The following BRINP3 variants were observed in gnomAD, a reference collection of about 807,000 sequenced individuals.
The protein encoded by BRINP3 is BMP/retinoic acid-inducible neural-specific protein 3.
In BRINP3, 19 loss-of-function variants were observed where a neutral mutation model predicts 71.0. That is an observed-to-expected ratio of 0.27 (90% CI 0.19 to 0.39). BRINP3 has a LOEUF of 0.39. Ranked by LOEUF, BRINP3 falls within the 10% of genes least tolerant of loss-of-function variation. BRINP3 has a pLI of 1.00. For synonymous variants in BRINP3, 380 were observed against 337.7 expected (o/e 1.13, Z -1.37); for missense variants, 959 against 940.8 (o/e 1.02, Z -0.25).
intron 6 of BRINP3, among the ~76,000 whole-genome samples, chr1:190,188,136 TA>T (rs1164910335): frequency 1.3e-5 from 2 of 152,140 alleles, no homozygotes; most frequent in African/African-American, 4.8e-5. Flanking sequence ...GTACCTATTG[TA>T]AATGTGATTT....
intron 2 of BRINP3, among the ~76,000 whole-genome samples, chr1:190,375,608 T>C (rs1381912822): frequency 2.6e-5 from 4 of 151,936 alleles, no homozygotes; most frequent in East Asian, 3.9e-4. Context: ...AGGCAACACA[T>C]ATGAACAGGC....
At chr1:190,304,697 T>C (rs1017522050) in intron 2 of BRINP3, among the ~76,000 whole-genome samples, 1 of 151,876 alleles carries the variant, frequency 6.6e-6, no homozygotes, top group Admixed American at 6.6e-5. Flanking sequence ...ATGTTACTGG[T>C]CTAGGTTAGG....
chr1:190,158,356 G>C (rs189521725), intron 7 of BRINP3, among the ~76,000 whole-genome samples: 134 of 152,098 alleles, frequency 8.8e-4, no homozygotes, highest in African/African-American at 3.2e-3. Context: ...TTTCTTCCCA[G>C]TCTCAAATAT....
intron 2 of BRINP3, among the ~76,000 whole-genome samples, chr1:190,410,951 C>T (rs1672623526): frequency 6.6e-6 from 1 of 151,898 alleles, no homozygotes; most frequent in African/African-American, 2.4e-5. Context: ...TTAAAAGAAA[C>T]TTGAAAGCTC....
intron 2 of BRINP3, among the ~76,000 whole-genome samples, chr1:190,316,742 A>G (rs1665907479): frequency 6.6e-6 from 1 of 152,136 alleles, no homozygotes; most frequent in South Asian, 2.1e-4. Context: ...TGCTGAATCT[A>G]AGTCCTGAAA....
chr1:190,194,822 A>C (rs1351363397), intron 6 of BRINP3, among the ~76,000 whole-genome samples: 1 of 152,046 alleles, frequency 6.6e-6, no homozygotes, highest in Non-Finnish European at 1.5e-5. Flanking sequence ...GCTCATCTAG[A>C]AGTAGTAGTA....
chr1:190,185,810 T>A (rs1021028880), intron 6 of BRINP3, among the ~76,000 whole-genome samples: 2 of 152,152 alleles, frequency 1.3e-5, no homozygotes, highest in Non-Finnish European at 1.5e-5. Flanking sequence ...AATTATCTAG[T>A]CTACAAGCAA....
In BRINP3 at chr1:190,477,508, T is replaced by A. The variant is rs1190144526; in HGVS notation, c.-111A>T. On this transcript the variant is annotated 5_prime_UTR_variant, in exon 1 of 8. Transcript: ENST00000367462. ...AAAATACATCCAGGATTCAAATAGA[T>A]ATTCCATGATCTTCCAAATCAAGGT... 1.3e-5 allele frequency: 2 copies of A among 152,188 alleles called. No homozygotes were observed. Among genetic ancestry groups the A allele is most frequent in the Non-Finnish European group, 2.9e-5 (2 of 68,032 alleles). The allele number at this position is 152,188 out of a possible 1,614,324, so 9.4% of individuals were successfully genotyped here.
At chr1:190,186,204 C>A (rs1571939454) in intron 6 of BRINP3, among the ~76,000 whole-genome samples, 1 of 151,870 alleles carries the variant, frequency 6.6e-6, no homozygotes, top group Admixed American at 6.6e-5. Flanking sequence ...GCTGAAACCC[C>A]ATCTCTACTA....
chr1:190,392,952 C>A (rs768120846), intron 2 of BRINP3, among the ~76,000 whole-genome samples: 24 of 151,446 alleles, frequency 1.6e-4, no homozygotes, highest in Non-Finnish European at 2.7e-4. Context: ...GTAGTTATGG[C>A]CAGACTTGAA....
At chr1:190,316,270 T>A (rs1665874743) in intron 2 of BRINP3, among the ~76,000 whole-genome samples, 1 of 152,094 alleles carries the variant, frequency 6.6e-6, no homozygotes, top group Admixed American at 6.6e-5. Context: ...TACAATCCAA[T>A]GAGGTAGATT....
At chr1:190,347,765 A>G (rs1668120160) in intron 2 of BRINP3, among the ~76,000 whole-genome samples, 1 of 152,232 alleles carries the variant, frequency 6.6e-6, no homozygotes, top group Non-Finnish European at 1.5e-5. Context: ...CGTGACCCAT[A>G]AGATGACCAG....
At chr1:190,450,439 C>A (rs565545797) in intron 2 of BRINP3, among the ~76,000 whole-genome samples, 1 of 152,058 alleles carries the variant, frequency 6.6e-6, no homozygotes, top group Admixed American at 6.6e-5. Context: ...TTTCATTTTC[C>A]CTCCTGATAA....
intron 2 of BRINP3, among the ~76,000 whole-genome samples, chr1:190,416,333 T>C (rs1456899860): frequency 1.3e-5 from 2 of 152,086 alleles, no homozygotes; most frequent in East Asian, 1.9e-4. Context: ...GACTGACTAA[T>C]AAACATCCAC....
chr1:190,233,579 C>T (rs896781541), intron 5 of BRINP3, among the ~76,000 whole-genome samples: 1 of 152,064 alleles, frequency 6.6e-6, no homozygotes, highest in Non-Finnish European at 1.5e-5. Flanking sequence ...TGTAAATATT[C>T]AGCTCTAAGT....
chr1:190,115,019 T>C (rs977567083), intron 7 of BRINP3, among the ~76,000 whole-genome samples: 1 of 152,216 alleles, frequency 6.6e-6, no homozygotes, highest in African/African-American at 2.4e-5. Context: ...CTACTTTATT[T>C]TCTTGTTGCA....
At chr1:190,110,336 A>G (rs1295378741) in intron 7 of BRINP3, among the ~76,000 whole-genome samples, 1 of 152,022 alleles carries the variant, frequency 6.6e-6, no homozygotes, top group East Asian at 1.9e-4. Flanking sequence ...AAATATTGTG[A>G]AAAAAAATTG....
At chr1:190,385,388 TAAAC>T (rs1161394883) in intron 2 of BRINP3, among the ~76,000 whole-genome samples, 1 of 151,004 alleles carries the variant, frequency 6.6e-6, no homozygotes, top group Non-Finnish European at 1.5e-5. Context: ...TTACAAGAAA[TAAAC>T]AAACAACCCC....
intron 7 of BRINP3, among the ~76,000 whole-genome samples, chr1:190,104,990 G>T (rs564938222): frequency 1.6e-4 from 25 of 152,134 alleles, no homozygotes; most frequent in African/African-American, 5.5e-4. Flanking sequence ...AGCCTTCATA[G>T]ATTTGTTATT....
Sources: gnomAD v4.1 joint callset for allele counts (sites outside exome capture counted in the v4.1 genomes callset) on GRCh38, gnomAD v4.1.1 for gene constraint, MANE v1.5 for transcripts, NCBI Gene and HGNC (gene_info 2026-07-23, HGNC 2026-07-21) for gene names.